LEMD1: variants seen among roughly 807,000 people sequenced by gnomAD.
LEMD1 encodes the protein LEM domain containing 1.
LEMD1 carries 18 observed loss-of-function variants against 17.4 expected under a neutral mutation model. The ratio of observed to expected loss-of-function variants is 1.04; its 90% CI spans 0.72 to 1.54. The LOEUF is 1.54. Among genes scored for constraint, LEMD1 ranks in the 40% most tolerant of loss-of-function variants. LEMD1 has a pLI of 0.00. For missense variants in LEMD1, 195 were observed against 210.4 expected (o/e 0.93, Z 0.45); for synonymous variants, 88 against 77.8 (o/e 1.13, Z -0.69).
chr1:205,393,802 A>G (rs761055819), intron 4 of LEMD1, among the ~76,000 whole-genome samples: 2 of 151,634 alleles, frequency 1.3e-5, no homozygotes, highest in Non-Finnish European at 2.9e-5. Context: ...TTTCTCCGAA[A>G]GTCAGATATA....
intron 1 of LEMD1, among the ~76,000 whole-genome samples, chr1:205,431,114 T>G (rs766697120): frequency 2.6e-5 from 4 of 152,158 alleles, no homozygotes; most frequent in Admixed American, 6.5e-5. Flanking sequence ...ACACGCCTTT[T>G]GGGGATAAGC....
chr1:205,431,420 GCTAT>G (rs1666124080), intron 1 of LEMD1, among the ~76,000 whole-genome samples: 1 of 152,196 alleles, frequency 6.6e-6, no homozygotes, highest in African/African-American at 2.4e-5. Flanking sequence ...TTGAGCACAG[GCTAT>G]CTGACTTGAC....
intron 1 of LEMD1, among the ~76,000 whole-genome samples, chr1:205,431,154 C>T (rs1666121141): frequency 6.6e-6 from 1 of 152,282 alleles, no homozygotes; most frequent in South Asian, 2.1e-4. Context: ...TGTCTATTAC[C>T]TGAAAAAGGA....
intron 3 of LEMD1, among the ~76,000 whole-genome samples, chr1:205,418,928 T>C (rs1665825037): frequency 6.6e-6 from 1 of 152,218 alleles, no homozygotes; most frequent in Non-Finnish European, 1.5e-5. Flanking sequence ...AGAATTTACC[T>C]GTAGGAATTT....
chr1:205,428,805 A>G (rs2102451993), intron 1 of LEMD1, among the ~76,000 whole-genome samples: 1 of 151,986 alleles, frequency 6.6e-6, no homozygotes, highest in East Asian at 1.9e-4. Context: ...TTTGAGGGAG[A>G]TTTAGAAGGG....
chr1:205,403,575 A>G (rs1051613158), intron 4 of LEMD1, among the ~76,000 whole-genome samples: 10 of 151,442 alleles, frequency 6.6e-5, no homozygotes, highest in Non-Finnish European at 1.2e-4. Context: ...TATTGCATCT[A>G]TTTGATTCTT....
intron 4 of LEMD1, among the ~76,000 whole-genome samples, chr1:205,411,658 GAAAGAAAGAAAGA>G (rs1308073783): frequency 6.7e-5 from 9 of 134,258 alleles, no homozygotes; most frequent in East Asian, 2.3e-4. Context: ...AGAAAGGAAA[GAAAGAAAGAAAGA>G]AAAGAAAGAA....
At chr1:205,430,471 T>C (rs1575003349) in intron 1 of LEMD1, among the ~76,000 whole-genome samples, 1 of 151,574 alleles carries the variant, frequency 6.6e-6, no homozygotes, top group South Asian at 2.1e-4. Context: ...GAGAGTAGGG[T>C]AGGGGTGGAC....
intron 4 of LEMD1, among the ~76,000 whole-genome samples, chr1:205,392,261 T>A (rs1664378920): frequency 6.6e-6 from 1 of 152,178 alleles, no homozygotes; most frequent in African/African-American, 2.4e-5. Flanking sequence ...TGAACATGTT[T>A]GAAACAAATG....
chr1:205,420,093 G>A (rs1665891444), intron 2 of LEMD1, among the ~76,000 whole-genome samples: 1 of 152,294 alleles, frequency 6.6e-6, no homozygotes, highest in Middle Eastern at 3.4e-3. Context: ...CAAGGCAGGT[G>A]GAGTACCTGA....
At chr1:205,404,456 A>G (rs1203887818) in intron 4 of LEMD1, among the ~76,000 whole-genome samples, 2 of 152,114 alleles carry the variant, frequency 1.3e-5, no homozygotes, top group Non-Finnish European at 2.9e-5. Context: ...CCATTATGTA[A>G]TGGCCTTCTT....
chr1:205,423,163 C>T (rs188002172), upstream of LEMD1, among the ~76,000 whole-genome samples: 1 of 152,144 alleles, frequency 6.6e-6, no homozygotes, highest in East Asian at 1.9e-4. Flanking sequence ...AAGAGCTGAA[C>T]GTCTTTGGGT....
intron 3 of LEMD1, among the ~76,000 whole-genome samples, chr1:205,417,340 C>T (rs1443311364): frequency 1.3e-5 from 2 of 152,236 alleles, no homozygotes; most frequent in African/African-American, 4.8e-5. Context: ...CAACGCACTT[C>T]TGTAGAGGGC....
At chr1:205,431,657 T>C (rs1309887962) in intron 1 of LEMD1, among the ~76,000 whole-genome samples, 1 of 152,170 alleles carries the variant, frequency 6.6e-6, no homozygotes, top group Non-Finnish European at 1.5e-5. Context: ...GTCTGTCTGG[T>C]CACCAATACA....
chr1:205,430,384 G>T, intron 1 of LEMD1, among the ~76,000 whole-genome samples: 1 of 152,276 alleles, frequency 6.6e-6, no homozygotes, highest in South Asian at 2.1e-4. Context: ...TTAGAGATGG[G>T]CATGGATCCC....
chr1:205,442,512 A>G (rs1666311952), intron 1 of LEMD1, among the ~76,000 whole-genome samples: 1 of 152,192 alleles, frequency 6.6e-6, no homozygotes, highest in South Asian at 2.1e-4. Flanking sequence ...CACACCAAGC[A>G]CAGTGCCCGG....
chr1:205,384,285 T>C lies in LEMD1; in HGVS notation c.347+3A>G. The C allele has an allele frequency of 1.4e-6, 2 of 1,479,936 alleles. No individual in the cohort carries two copies. The highest frequency in any genetic ancestry group is 9.0e-7 in the Non-Finnish European group (1 of 1,112,656). 91.7% of individuals were successfully genotyped at this position (1,479,936 alleles called of 1,614,324 possible). A position where few individuals can be genotyped will look rare whatever the true frequency, so the allele number is the denominator to read the frequency against. On this transcript the variant is annotated splice_donor_region_variant and intron_variant, in intron 5 of 5. Coordinates refer to ENST00000367153, the MANE Select transcript of LEMD1 (RefSeq NM_001199050.2). The stretch of plus-strand genomic sequence containing the variant: ...TTCCACATATGCTAAAAAACATCAT[T>C]ACCTTCTTCCCTTGGAAGGCTTATA...
chr1:205,410,621 A>G (rs1449715928), intron 4 of LEMD1, among the ~76,000 whole-genome samples: 3 of 152,148 alleles, frequency 2.0e-5, no homozygotes, highest in Non-Finnish European at 4.4e-5. Flanking sequence ...ATGGAATTCA[A>G]TGCAGAGGAG....
At position 205,448,037 on chromosome 1, in the gene LEMD1, C is replaced by T. The variant is rs544088251; in HGVS notation, c.-39+1831G>A. On this transcript the variant is annotated intron_variant, in intron 1 of 3. Coordinates refer to the LEMD1 transcript ENST00000367154. This position sits in a 1 kb window ranked among gnomAD's most constrained non-coding sequence, Gnocchi z 4.7. ...AGTAATTTGGCAAGGGGGAAGGAAC[C>T]GACTCAGAAAGCTCAGCACACCCTG... Among the ~76,000 whole-genome samples, 7 of 152,180 alleles carry T rather than the reference C, an allele frequency of 4.6e-5. No homozygotes were observed. Among genetic ancestry groups the T allele is most frequent in the African/African-American group, 1.2e-4 (5 of 41,448 alleles).
Sources: gnomAD v4.1 joint callset for allele counts (sites outside exome capture counted in the v4.1 genomes callset) on GRCh38, gnomAD v4.1.1 for gene constraint, Gnocchi (gnomAD v3.1) non-coding constraint, MANE v1.5 for transcripts, NCBI Gene and HGNC (gene_info 2026-07-23, HGNC 2026-07-21) for gene names.